Variants in GPR37L1 observed in about 807,000 individuals in gnomAD.
GPR37L1 encodes G protein-coupled receptor 37 like 1.
In GPR37L1, 18 loss-of-function variants were observed where a neutral mutation model predicts 18.0. The observed-to-expected ratio is 1.00, with a 90% CI of 0.69 to 1.49. The LOEUF (loss-of-function observed/expected upper bound fraction) is 1.49. Ranked by LOEUF, GPR37L1 falls within the 40% of genes most tolerant of loss-of-function variation. The probability of loss-of-function intolerance (pLI) is 0.00; values close to 1 mark genes in which losing one functional copy is unlikely to be tolerated. For synonymous variants in GPR37L1, 256 were observed against 273.9 expected, an observed-to-expected ratio of 0.93 and a Z score of 0.65; for missense variants, 558 against 615.1, an observed-to-expected ratio of 0.91 and a Z score of 0.98.
In GPR37L1 at chr1:202,130,931, A is replaced by T. The variant is rs1044735706; in HGVS notation, c.*2375A>T. The T allele has an allele frequency of 6.6e-6, 1 of 152,198 alleles. No individual in the cohort carries two copies. The highest frequency in any genetic ancestry group is 1.5e-5 in the Non-Finnish European group (1 of 68,088). The allele number at this position is 152,198 out of a possible 1,614,324, so 9.4% of individuals were successfully genotyped here. On this transcript the variant is annotated 3_prime_UTR_variant, in exon 2 of 2. Coordinates refer to ENST00000367282, the MANE Select transcript of GPR37L1 (RefSeq NM_004767.5). ...CTCCTGCTGGTTGGCCGGCTCAGAG[A>T]TGAAGGGGGAGAGATGGTGGCTCCA...
chr1:202,124,659 A>G (rs1178589649), intron 1 of GPR37L1, among the ~76,000 whole-genome samples: 1 of 152,222 alleles, frequency 6.6e-6, no homozygotes, highest in Non-Finnish European at 1.5e-5. Context: ...ATGATGCTGC[A>G]TGACAAGGGG....
chr1:202,127,756 G>A lies in GPR37L1; in HGVS notation c.646G>A (p.Val216Ile), dbSNP rs1370746288. Residue 216 changes from valine to isoleucine, a missense_variant, in exon 2 of 2, where the codon GTC becomes ATC. Physicochemically the swap from Val to Ile is conservative, Grantham distance 29 (BLOSUM62 3). Coordinates refer to ENST00000367282, the MANE Select transcript of GPR37L1 (RefSeq NM_004767.5). The stretch of plus-strand genomic sequence containing the variant: ...CTGCCCACAGGTCTCCTCTCTGGGA[G>A]TCACGACTTTCAGCCTCTGTGCCCT... The part of the protein sequence containing the change: ...VPFMEVSSLG[V>I]TTFSLCALGI... 3 of 1,576,204 alleles carry A rather than the reference G, an allele frequency of 1.9e-6. No homozygotes were observed. Among genetic ancestry groups the A allele is most frequent in the Non-Finnish European group, 1.7e-6 (2 of 1,158,744 alleles).
Position 202,128,523 on chromosome 1 carries a change from A to G in GPR37L1, c.1413A>G (p.Ser471=). 1 of 1,536,772 alleles carries G rather than the reference A, an allele frequency of 6.5e-7. No homozygotes were observed. Among genetic ancestry groups the G allele is most frequent in the South Asian group, 1.2e-5 (1 of 85,426 alleles). ...TCTACTTCCACAAGCCCAGGGAGTCACCCCCACTCCTGCCCCTGGGCACAC... is the reference window on the plus strand; with the variant it reads ...TCTACTTCCACAAGCCCAGGGAGTCGCCCCCACTCCTGCCCCTGGGCACAC... ...SSIYFHKPRE[S]PPLLPLGTPC The change falls in exon 2 of 2, where the codon TCA becomes TCG. Residue 471 remains serine, a synonymous_variant. Transcript: ENST00000367282.
rs1448773739 is a variant in GPR37L1, at chr1:202,130,376, G to A, written c.*1820G>A. ...AGGGGCAGGGTTTCCAAGCGCCTGG[G>A]GCTCCATTCTCCTCTGTCCACCCAC... On this transcript the variant is annotated 3_prime_UTR_variant, in exon 2 of 2. Coordinates refer to ENST00000367282, the MANE Select transcript of GPR37L1 (RefSeq NM_004767.5). The A allele has an allele frequency of 6.6e-6, 1 of 152,436 alleles. No homozygotes were observed. The highest frequency in any genetic ancestry group is 1.5e-5 in the Non-Finnish European group (1 of 68,328). The allele number at this position is 152,436 out of a possible 1,614,324, so 9.4% of individuals were successfully genotyped here.
intron 1 of GPR37L1, among the ~76,000 whole-genome samples, chr1:202,126,549 TC>T (rs1319536052): frequency 1.3e-5 from 2 of 152,050 alleles, no homozygotes; most frequent in Non-Finnish European, 2.9e-5. Flanking sequence ...GGGATTGTGT[TC>T]CCCCAGCCAG....
In GPR37L1 at chr1:202,123,245, C is replaced by T. The variant is rs1312619882; in HGVS notation, c.282C>T (p.Gly94=). 8.1e-6 allele frequency: 13 copies of T among 1,613,908 alleles called. No individual in the cohort carries two copies. Among genetic ancestry groups the T allele is most frequent in the Non-Finnish European group, 1.1e-5 (13 of 1,179,924 alleles). The change falls in exon 1 of 2, where the codon GGC becomes GGT. Residue 94 remains glycine (G), a synonymous_variant. Transcript: ENST00000367282. The stretch of plus-strand genomic sequence containing the variant: ...GCCCTAACCCCGGCAAGGATGGGGG[C>T]ACCCCAGACAGTGGGCAGGAACTGA... The part of the protein sequence containing the change: ...ATSPNPGKDG[G]TPDSGQELRG...
At chr1:202,126,435 T>G (rs1158890421) in intron 1 of GPR37L1, among the ~76,000 whole-genome samples, 1 of 151,058 alleles carries the variant, frequency 6.6e-6, no homozygotes, top group Non-Finnish European at 1.5e-5. Context: ...GAATGGCGTT[T>G]CTACCCAAGC....
At chr1:202,127,305 T>TC (rs879815596) in intron 1 of GPR37L1, among the ~76,000 whole-genome samples, 36,456 of 135,260 alleles carry the variant, frequency 0.27, 5,717 homozygotes, top group East Asian at 0.39. Context: ...CTTCCTTCCT[T>TC]CTTTCCTTCC....
chr1:202,128,645 G>T lies in GPR37L1; in HGVS notation c.*89G>T, dbSNP rs938851443. 3 of 792,050 alleles carry T rather than the reference G, an allele frequency of 3.8e-6. No homozygotes were observed. The highest frequency in any genetic ancestry group is 3.5e-5 in the African/African-American group (2 of 57,510). 49.1% of individuals were successfully genotyped at this position (792,050 alleles called of 1,614,324 possible). ...CCCCATAGGTCTTGCTTTGTTGCCT[G>T]TCTTGCTGTCTAGGGATGGACTTGG... On this transcript the variant is annotated 3_prime_UTR_variant, in exon 2 of 2. Coordinates refer to ENST00000367282, the MANE Select transcript of GPR37L1 (RefSeq NM_004767.5).
At position 202,128,062 on chromosome 1, in the gene GPR37L1, T is replaced by TC. The variant is rs1558302373; in HGVS notation, c.952_953insC (p.Phe318SerfsTer37). On this transcript the variant is annotated frameshift_variant, in exon 2 of 2. Coordinates refer to ENST00000367282, the MANE Select transcript of GPR37L1 (RefSeq NM_004767.5). LOFTEE classifies it low-confidence loss of function (END_TRUNC). ...CATGTGGTGGTACTTTGGCTGCTAC[T>TC]TCTGCCTGCCCATCCTCTTCACAGT... The TC allele has an allele frequency of 3.1e-6, 5 of 1,614,034 alleles. No homozygotes were observed. The highest frequency in any genetic ancestry group is 4.2e-6 in the Non-Finnish European group (5 of 1,180,018).
intron 1 of GPR37L1, 125 bp downstream of exon 1, chr1:202,123,718 C>T (rs1571710280): frequency 2.4e-6 from 2 of 826,014 alleles, no homozygotes; most frequent in East Asian, 2.5e-5. Flanking sequence ...GGAGCTCTGA[C>T]TTGCTCCTCC....
In GPR37L1 at chr1:202,128,010, A is replaced by G. The variant is rs773986083; in HGVS notation, c.900A>G (p.Ser300=). 4.3e-6 allele frequency: 7 copies of G among 1,613,922 alleles called. No individual in the cohort carries two copies. The highest frequency in any genetic ancestry group is 5.9e-6 in the Non-Finnish European group (7 of 1,180,022). The change falls in exon 2 of 2, where the codon TCA becomes TCG. Residue 300 remains serine, a synonymous_variant. Transcript: ENST00000367282. ...PSASLPESLY[S]LVMTYQNARM... is the part of the protein sequence containing the mutation. ...CCAGCCTGCCCGAGTCCCTGTATTC[A>G]CTGGTGATGACCTACCAGAACGCCC...
In GPR37L1 at chr1:202,123,412, C is replaced by CA; in HGVS notation, c.449_450insA (p.Val151GlyfsTer50). ...GCGGTGGGCATTGTGGGCAACCTGT[C>CA]GGTCATGTGCATCGTGTGGCACAGC... On this transcript the variant is annotated frameshift_variant, in exon 1 of 2. Coordinates refer to ENST00000367282, the MANE Select transcript of GPR37L1 (RefSeq NM_004767.5). LOFTEE classifies it high-confidence loss of function. The CA allele has an allele frequency of 6.2e-7, 1 of 1,614,104 alleles. No individual in the cohort carries two copies.
chr1:202,128,913 T>G lies in GPR37L1; in HGVS notation c.*357T>G. 5.3e-6 allele frequency: 1 copy of G among 189,816 alleles called. No homozygotes were observed. The highest frequency in any genetic ancestry group is 1.4e-4 in the East Asian group (1 of 7,264). The allele number at this position is 189,816 out of a possible 1,614,324, so 11.8% of individuals were successfully genotyped here. ...ACCTGACCATACTTTAGTTGTGCCCTTCCCAGGCATCATCCTCCTACCACC... is the reference window on the plus strand; with the variant it reads ...ACCTGACCATACTTTAGTTGTGCCCGTCCCAGGCATCATCCTCCTACCACC... On this transcript the variant is annotated 3_prime_UTR_variant, in exon 2 of 2. Transcript: ENST00000367282.
At position 202,128,485 on chromosome 1, in the gene GPR37L1, G is replaced by A. The variant is rs148475636; in HGVS notation, c.1375G>A (p.Val459Met). 65 of 1,610,108 alleles carry A rather than the reference G, an allele frequency of 4.0e-5. No individual in the cohort carries two copies. The highest frequency in any genetic ancestry group is 5.3e-5 in the Non-Finnish European group (63 of 1,178,190). Reference sequence around the variant, plus strand: ...GTCGGACAACAAGCTCAAGACCGAGGTGTCCTCTTCCATCTACTTCCACAA... The same window carrying A: ...GTCGGACAACAAGCTCAAGACCGAGATGTCCTCTTCCATCTACTTCCACAA... ...NGSDNKLKTE[V>M]SSSIYFHKPR... is the part of the protein sequence containing the mutation. The change falls in exon 2 of 2, where the codon GTG becomes ATG. Residue 459 changes from valine (V) to methionine (M), a missense_variant. Transcript: ENST00000367282.
At position 202,127,878 on chromosome 1, in the gene GPR37L1, G is replaced by A; in HGVS notation, c.768G>A (p.Trp256Ter). ...QSILAKLAVI[W>*]VGSMTLAVPE... ...TCCTGGCCAAGTTGGCTGTCATCTGGGTGGGCTCCATGACGCTGGCTGTGC... is the reference window on the plus strand; with the variant it reads ...TCCTGGCCAAGTTGGCTGTCATCTGAGTGGGCTCCATGACGCTGGCTGTGC... The change falls in exon 2 of 2, where the codon TGG becomes TGA. Residue 256 changes from tryptophan to a stop codon, truncating the protein, a stop_gained. Coordinates refer to ENST00000367282, the MANE Select transcript of GPR37L1 (RefSeq NM_004767.5). LOFTEE classifies it low-confidence loss of function (END_TRUNC). The A allele has an allele frequency of 6.2e-7, 1 of 1,613,888 alleles. No individual in the cohort carries two copies. The highest frequency in any genetic ancestry group is 2.2e-5 in the East Asian group (1 of 44,874).
Position 202,127,978 on chromosome 1 carries a change from C to A in GPR37L1, c.868C>A (p.Pro290Thr). 6.2e-7 allele frequency: 1 copy of A among 1,614,142 alleles called. No homozygotes were observed. The highest frequency in any genetic ancestry group is 8.5e-7 in the Non-Finnish European group (1 of 1,180,010). Residue 290 changes from proline to threonine, a missense_variant, in exon 2 of 2, where the codon CCC becomes ACC. Pro to Thr is a conservative substitution (Grantham distance 38). Coordinates refer to ENST00000367282, the MANE Select transcript of GPR37L1 (RefSeq NM_004767.5). ...MGTLDSCIMK[P>T]SASLPESLYS... ...CACCCTGGACTCATGCATCATGAAA[C>A]CCTCAGCCAGCCTGCCCGAGTCCCT...
chr1:202,128,105 C>T lies in GPR37L1; in HGVS notation c.995C>T (p.Thr332Ile), dbSNP rs778617718. The T allele has an allele frequency of 2.5e-5, 40 of 1,613,986 alleles. No homozygotes were observed. Among genetic ancestry groups the T allele is most frequent in the Non-Finnish European group, 3.3e-5 (39 of 1,180,012 alleles). ...TTCACAGTCACCTGCCAGCTGGTGA[C>T]ATGGCGGGTGCGAGGCCCTCCAGGG... is the stretch of plus-strand genomic sequence containing the variant. ...ILFTVTCQLV[T>I]WRVRGPPGRK... The change falls in exon 2 of 2, where the codon ACA becomes ATA. Residue 332 changes from threonine to isoleucine, a missense_variant. By Grantham distance (89) the Thr-to-Ile change is moderately conservative (BLOSUM62 -1). Transcript: ENST00000367282.
intron 1 of GPR37L1, 137 bp downstream of exon 1, chr1:202,123,730 T>C (rs1034884897): frequency 3.8e-6 from 3 of 790,618 alleles, no homozygotes; most frequent in Non-Finnish European, 6.1e-6. Context: ...TGCTCCTCCT[T>C]TACCTTGGAG....
Sources: gnomAD v4.1 joint callset for allele counts (sites outside exome capture counted in the v4.1 genomes callset) on GRCh38, gnomAD v4.1.1 for gene constraint, MANE v1.5 for transcripts, NCBI Gene and HGNC (gene_info 2026-07-23, HGNC 2026-07-21) for gene names.